The following TMPRSS2 variants were observed in gnomAD, a reference collection of about 807,000 sequenced individuals.
The protein encoded by TMPRSS2 is transmembrane protease serine 2.
A neutral mutation model predicts 67.4 loss-of-function variants in TMPRSS2; 59 were observed. The ratio of observed to expected loss-of-function variants is 0.88; its 90% CI spans 0.71 to 1.09. The LOEUF is 1.09. TMPRSS2 is among the 50% of genes least tolerant of loss of function. The pLI is 0.00. For missense variants in TMPRSS2, 668 were observed against 642.7 expected, an observed-to-expected ratio of 1.04 and a Z score of -0.43; for synonymous variants, 257 against 257.0, an observed-to-expected ratio of 1.00 and a Z score of 0.00.
rs748528218 is a variant in TMPRSS2 at position 41,471,946 on chromosome 21, G to A, written c.935C>T (p.Ala312Val). 19 of 1,612,248 alleles carry A rather than the reference G, an allele frequency of 1.2e-5. No homozygotes were observed. In the East Asian group the frequency reaches 2.5e-4, roughly 21 times the overall value. Residue 312 changes from alanine to valine, a missense_variant, in exon 10 of 14, where the codon GCG becomes GTG. Ala to Val is a moderately conservative substitution (Grantham distance 64, BLOSUM62 0). Transcript: ENST00000332149. ...CATGAAAGATTGTCTCAAAATCCCC[G>A]CAAATGCCGTCCAATGCCATGGATT... Reference protein sequence around the residue: ...LNNPWHWTAFAGILRQSFMFY... With the variant: ...LNNPWHWTAFVGILRQSFMFY...
chr21:41,485,970 G>T (rs1323547013), intron 5 of TMPRSS2, among the ~76,000 whole-genome samples: 1 of 152,174 alleles, frequency 6.6e-6, no homozygotes, highest in African/African-American at 2.4e-5. Context: ...CAGGAAACCA[G>T]TCCCCACCAA....
intron 11 of TMPRSS2, 154 bp from the exon 12 acceptor site, chr21:41,468,692 C>T (rs929554978): frequency 1.3e-6 from 1 of 782,532 alleles, no homozygotes. Context: ...AGCACCAACC[C>T]CTCTCCTGGG....
chr21:41,505,412 G>A (rs1013040273), intron 1 of TMPRSS2, among the ~76,000 whole-genome samples: 2 of 152,218 alleles, frequency 1.3e-5, no homozygotes, highest in Admixed American at 6.5e-5. Context: ...CTGGTAGGGG[G>A]ACAACACACT....
At chr21:41,470,277 GC>G (rs772477054) in intron 11 of TMPRSS2, among the ~76,000 whole-genome samples, 6 of 152,134 alleles carry the variant, frequency 3.9e-5, no homozygotes, top group Admixed American at 1.3e-4. Context: ...GGTCCAGGAT[GC>G]CCGTCCTCAC....
chr21:41,466,697 C>T (rs1376384729), intron 13 of TMPRSS2, among the ~76,000 whole-genome samples: 1 of 152,230 alleles, frequency 6.6e-6, no homozygotes, highest in Admixed American at 6.5e-5. Context: ...CAGGTCGGGC[C>T]TCAGCGGGAA....
intron 10 of TMPRSS2, among the ~76,000 whole-genome samples, chr21:41,471,088 C>T (rs2091129604): frequency 6.6e-6 from 1 of 152,224 alleles, no homozygotes. Context: ...AGTCAGCTTT[C>T]GCCCCAGAGG....
chr21:41,507,876 C>T (rs996566672), intron 1 of TMPRSS2: 3 of 1,469,094 alleles, frequency 2.0e-6, no homozygotes, highest in Non-Finnish European at 2.7e-6. Context: ...GTCCCAGGCG[C>T]CCAGCACTCT....
In TMPRSS2 at chr21:41,494,369, T is replaced by G; in HGVS notation, c.225A>C (p.Thr75=). 1 of 1,610,036 alleles carries G rather than the reference T, an allele frequency of 6.2e-7. No homozygotes were observed. The change falls in exon 3 of 14, where the codon ACA becomes ACC. Residue 75 remains threonine, a synonymous_variant. Transcript: ENST00000332149. ...VCTQPKSPSG[T]VCTSKTKKAL... is the part of the protein sequence containing the mutation. ...AGAGAATCCTACTTGAGGTGCACAC[T>G]GTCCCGGATGGGGATTTGGGCTGCG...
intron 9 of TMPRSS2, among the ~76,000 whole-genome samples, chr21:41,473,070 T>C (rs530540353): frequency 1.3e-5 from 2 of 152,256 alleles, no homozygotes; most frequent in East Asian, 3.9e-4. Flanking sequence ...GAAGGAACGC[T>C]GGTCACGGCG....
chr21:41,495,622 G>A (rs1158330981), intron 2 of TMPRSS2, among the ~76,000 whole-genome samples: 47 of 62,044 alleles, frequency 7.6e-4, no homozygotes, highest in Non-Finnish European at 1.1e-3. Flanking sequence ...CGAAACTCCC[G>A]TCTCAAAAAA....
intron 5 of TMPRSS2, among the ~76,000 whole-genome samples, chr21:41,482,108 G>A (rs1440527786): frequency 6.6e-6 from 1 of 150,994 alleles, no homozygotes; most frequent in Admixed American, 6.6e-5. Flanking sequence ...TTTTTTTAAA[G>A]TGCTCTTTAA....
At position 41,465,829 on chromosome 21, in the gene TMPRSS2, G is replaced by C. The variant is rs996615575; in HGVS notation, c.*313C>G. 4 of 409,654 alleles carry C rather than the reference G, an allele frequency of 9.8e-6. No individual in the cohort carries two copies. The highest frequency in any genetic ancestry group is 3.9e-5 in the East Asian group (1 of 25,942). 25.4% of individuals were successfully genotyped at this position (409,654 alleles called of 1,614,324 possible). A position where few individuals can be genotyped will look rare whatever the true frequency, so the allele number is the denominator to read the frequency against. Reference sequence around the variant, plus strand: ...GACAGCTCCATGCTCATCCAAAATTGGCCCCTGGAAAGGACTCAGCAGGAA... The same window carrying C: ...GACAGCTCCATGCTCATCCAAAATTCGCCCCTGGAAAGGACTCAGCAGGAA... On this transcript the variant is annotated 3_prime_UTR_variant, in exon 14 of 14. Transcript: ENST00000332149.
chr21:41,496,474 T>C (rs1280355371), intron 2 of TMPRSS2, among the ~76,000 whole-genome samples: 2 of 152,214 alleles, frequency 1.3e-5, no homozygotes, highest in Non-Finnish European at 2.9e-5. Context: ...CTAAATCCCT[T>C]TAAATGAAAT....
At chr21:41,472,062 G>C in intron 9 of TMPRSS2, 81 bp from the exon 10 acceptor site, 2 of 1,375,388 alleles carry the variant, frequency 1.5e-6, no homozygotes, top group South Asian at 1.5e-5. Flanking sequence ...TCAGAAGCTG[G>C]AGGCAAGACA....
chr21:41,507,605 C>T (rs1455888036), intron 1 of TMPRSS2, among the ~76,000 whole-genome samples: 1 of 152,176 alleles, frequency 6.6e-6, no homozygotes, highest in Non-Finnish European at 1.5e-5. Context: ...AGAAGGAGTT[C>T]AGGTAACACT....
intron 11 of TMPRSS2, among the ~76,000 whole-genome samples, chr21:41,469,877 C>G (rs2070789): frequency 6.6e-6 from 1 of 151,890 alleles, no homozygotes; most frequent in East Asian, 1.9e-4. Context: ...AAATATTTGT[C>G]GATATTCCCT....
At chr21:41,489,670 T>C in intron 3 of TMPRSS2, 77 bp from the exon 4 acceptor site, 1 of 896,904 alleles carries the variant, frequency 1.1e-6, no homozygotes, top group Middle Eastern at 2.2e-4. Flanking sequence ...TCTATTATTT[T>C]TATAGTACAC....
intron 1 of TMPRSS2, among the ~76,000 whole-genome samples, chr21:41,507,336 G>A (rs1470257650): frequency 6.6e-6 from 1 of 152,148 alleles, no homozygotes; most frequent in Non-Finnish European, 1.5e-5. Context: ...GCAAGCGGAG[G>A]AGCCAGACCG....
At chr21:41,473,085 C>T (rs1052880467) in intron 9 of TMPRSS2, among the ~76,000 whole-genome samples, 10 of 152,156 alleles carry the variant, frequency 6.6e-5, no homozygotes, top group African/African-American at 1.2e-4. Context: ...ACGGCGACAT[C>T]GTGGAGAATG....
Sources: allele counts gnomAD v4.1 joint callset (sites outside exome capture counted in the v4.1 genomes callset), GRCh38; gene constraint gnomAD v4.1.1; transcripts MANE v1.5; gene names NCBI Gene and HGNC (gene_info 2026-07-23, HGNC 2026-07-21).